The following INPP5E variants were observed in gnomAD, a reference collection of about 807,000 sequenced individuals.
INPP5E encodes phosphatidylinositol polyphosphate 5-phosphatase type IV.
INPP5E carries 34 observed loss-of-function variants against 50.5 expected under a neutral mutation model. The observed-to-expected ratio is 0.67, with a 90% confidence interval of 0.51 to 0.90. INPP5E has a LOEUF of 0.90. Among genes scored for constraint, INPP5E ranks in the 40% least tolerant of loss-of-function variants. INPP5E has a pLI of 0.00. For synonymous variants in INPP5E, 447 were observed against 406.0 expected (o/e 1.10, Z -1.21); for missense variants, 942 against 905.5 (o/e 1.04, Z -0.52).
chr9:136,438,746 G>C lies in INPP5E; in HGVS notation c.674C>G (p.Pro225Arg), dbSNP rs991472201. 1.2e-6 allele frequency: 2 copies of C among 1,611,210 alleles called. No homozygotes were observed. Among genetic ancestry groups the C allele is most frequent in the African/African-American group, 1.3e-5 (1 of 74,910 alleles). ...GCTGCTGTGGGCCCGCACCAGGAGC[G>C]GCTGCGCGCGGAGCTTGTAGTCTGC... is the stretch of plus-strand genomic sequence containing the variant. ...DLADYKLRAQ[P>R]LLVRAHSSLG... Residue 225 changes from proline to arginine, a missense_variant, in exon 1 of 10, where the codon CCG (proline) becomes CGG (arginine). By Grantham distance (103) the Pro-to-Arg change is moderately radical. Coordinates refer to ENST00000371712, the MANE Select transcript of INPP5E (RefSeq NM_019892.6).
rs1363811666 is a variant in INPP5E, at chr9:136,433,280, C to T, written c.1035-1G>A. 6.3e-7 allele frequency: 1 copy of T among 1,582,160 alleles called. No homozygotes were observed. Among genetic ancestry groups the T allele is most frequent in the South Asian group, 1.1e-5 (1 of 89,168 alleles). ...CTGCAGACGAGTCTCCCACTCCCGC[C>T]TGCAGAGGAGGAAGCACGGCCGGCT... On this transcript the variant is annotated splice_acceptor_variant, in intron 3 of 9. Transcript: ENST00000371712. LOFTEE classifies it high-confidence loss of function.
In INPP5E at chr9:136,429,567, C is replaced by T; in HGVS notation, c.*108G>A. The T allele has an allele frequency of 1.4e-6, 2 of 1,456,500 alleles. No individual in the cohort carries two copies. Among genetic ancestry groups the T allele is most frequent in the Middle Eastern group, 2.4e-4 (1 of 4,240 alleles). The allele number at this position is 1,456,500 out of a possible 1,614,324, so 90.2% of individuals were successfully genotyped here. On this transcript the variant is annotated 3_prime_UTR_variant, in exon 10 of 10. Transcript: ENST00000371712. ...GACGCTGGCACAGAGGCACGGTCGC[C>T]ACAGTCCCTCGGATCCCCGAAAGGC...
At chr9:136,433,994 G>A (rs1286139137) in intron 3 of INPP5E, 43 bp downstream of exon 3, 11 of 1,460,572 alleles carry the variant, frequency 7.5e-6, no homozygotes, top group South Asian at 2.4e-5. Context: ...CTTCAGAGAC[G>A]GCAGCCCCTG....
At chr9:136,434,709 T>TACCCC in intron 2 of INPP5E, 31 bp downstream of exon 2, 5 of 1,576,270 alleles carry the variant, frequency 3.2e-6, no homozygotes, top group Non-Finnish European at 4.3e-6. Context: ...ACCCCACCCT[T>TACCCC]CCCCGCCCAG....
rs771055995 is a variant in INPP5E, at chr9:136,434,872, G to T, written c.813-9C>A. The T allele has an allele frequency of 3.6e-5, 57 of 1,602,948 alleles. No individual in the cohort carries two copies. The highest frequency in any genetic ancestry group is 7.7e-6 in the Non-Finnish European group (9 of 1,175,614). ...TGCCCTCCAGGTAACTCCTGTGACG[G>T]GAGGACCCCAAGCTCAGGGCCAGGC... On this transcript the variant is annotated splice_polypyrimidine_tract_variant and intron_variant, in intron 1 of 9. Transcript: ENST00000371712.
rs770566636 is a variant in INPP5E, at chr9:136,429,169, G to GC, written c.*505dup. On this transcript the variant is annotated 3_prime_UTR_variant, in exon 10 of 10. Transcript: ENST00000371712. ...TCTGGGGCCCACTCAGAGGTCTGAGGCCCCAGGGGTCACCTAGCCCAGATC... is the reference window on the plus strand; with the variant it reads ...TCTGGGGCCCACTCAGAGGTCTGAGGCCCCCAGGGGTCACCTAGCCCAGATC... 1.4e-5 allele frequency: 3 copies of GC among 212,080 alleles called. No individual in the cohort carries two copies. Among genetic ancestry groups the GC allele is most frequent in the Admixed American group, 5.2e-5 (1 of 19,322 alleles). 13.1% of individuals were successfully genotyped at this position (212,080 alleles called of 1,614,324 possible).
Position 136,439,283 on chromosome 9 carries a change from T to C in INPP5E, c.137A>G (p.Glu46Gly). Residue 46 changes from glutamate (E) to glycine (G), a missense_variant, in exon 1 of 10, where the codon GAG becomes GGG. Glu to Gly is a moderately conservative substitution (Grantham distance 98). Transcript: ENST00000371712. ...AGTGCTGCAGGCAAGCGCGGGGCTC[T>C]CGGAGCCCGGAGCATCGGGTGGGGA... ...AGSPPDAPGS[E>G]SPALACSTPA... 1 of 1,451,234 alleles carries C rather than the reference T, an allele frequency of 6.9e-7. No homozygotes were observed. Among genetic ancestry groups the C allele is most frequent in the Non-Finnish European group, 9.0e-7 (1 of 1,111,150 alleles). The allele number at this position is 1,451,234 out of a possible 1,614,324, so 89.9% of individuals were successfully genotyped here. A position where few individuals can be genotyped will look rare whatever the true frequency, so the allele number is the denominator to read the frequency against.
intron 8 of INPP5E, 146 bp from the exon 9 acceptor site, chr9:136,430,559 C>T (rs1272622321): frequency 6.9e-6 from 7 of 1,009,800 alleles, no homozygotes; most frequent in East Asian, 2.6e-5. Flanking sequence ...TGTTGCCTGG[C>T]GTCTGTGGCC....
intron 9 of INPP5E, among the ~76,000 whole-genome samples, 158 bp from the exon 10 acceptor site, chr9:136,429,965 A>G (rs895660048): frequency 6.6e-6 from 1 of 152,212 alleles, no homozygotes; most frequent in African/African-American, 2.4e-5. Context: ...CCTGCCTCTA[A>G]GCACACGGAG....
rs370876407 is a variant in INPP5E, at chr9:136,431,872, C to T, written c.1501G>A (p.Val501Met). ...ALLCQGLVVD[V>M]PALLQHDQLI... ...TGGTCGTGCTGCAGCAGCGCCGGCA[C>T]GTCCACCACCAGGCCCTGGCACAGG... The change falls in exon 7 of 10, where the codon GTG (valine) becomes ATG (methionine). Residue 501 changes from valine to methionine, a missense_variant. Transcript: ENST00000371712. The T allele has an allele frequency of 5.6e-6, 9 of 1,610,244 alleles. No individual in the cohort carries two copies. Among genetic ancestry groups the T allele is most frequent in the South Asian group, 3.3e-5 (3 of 90,870 alleles).
chr9:136,434,838 C>A lies in INPP5E; in HGVS notation c.838G>T (p.Ala280Ser). 1 of 1,610,500 alleles carries A rather than the reference C, an allele frequency of 6.2e-7. No homozygotes were observed. Among genetic ancestry groups the A allele is most frequent in the Non-Finnish European group, 8.5e-7 (1 of 1,179,130 alleles). The change falls in exon 2 of 10, where the codon GCC (alanine) becomes TCC (serine). Residue 280 changes from alanine (A) to serine (S), a missense_variant. By Grantham distance (99) the Ala-to-Ser change is moderately conservative (BLOSUM62 1). Coordinates refer to ENST00000371712, the MANE Select transcript of INPP5E (RefSeq NM_019892.6). ...SRSYLEGSLL[A>S]SGALLGADEL... ...TCCGCCCCCAACAGGGCCCCGCTGG[C>A]CAGGAGGCTGCCCTCCAGGTAACTC...
In INPP5E at chr9:136,439,425, G is replaced by T; in HGVS notation, c.-6C>A. ...TTCTCCGCCTTGGACGGCATGGACG[G>T]TCTCTCCCGGGGCAGGCCTCGGCGC... On this transcript the variant is annotated 5_prime_UTR_variant, in exon 1 of 10. Coordinates refer to ENST00000371712, the MANE Select transcript of INPP5E (RefSeq NM_019892.6). 1 of 1,463,886 alleles carries T rather than the reference G, an allele frequency of 6.8e-7. No individual in the cohort carries two copies. The highest frequency in any genetic ancestry group is 9.0e-7 in the Non-Finnish European group (1 of 1,113,426). 90.7% of individuals were successfully genotyped at this position (1,463,886 alleles called of 1,614,324 possible). A position where few individuals can be genotyped will look rare whatever the true frequency, so the allele number is the denominator to read the frequency against.
chr9:136,431,211 A>ACCCC, intron 7 of INPP5E, 94 bp from the exon 8 acceptor site: 2 of 351,948 alleles, frequency 5.7e-6, no homozygotes, highest in Non-Finnish European at 9.1e-6. Context: ...CACCACGCCC[A>ACCCC]CCCTCCCCCC....
At chr9:136,432,141 G>T (rs569613862) in intron 6 of INPP5E, among the ~76,000 whole-genome samples, 156 bp from the exon 7 acceptor site, 22 of 152,298 alleles carry the variant, frequency 1.4e-4, no homozygotes, top group Admixed American at 1.1e-3. Context: ...CACTGGGACA[G>T]TTCCAGAAGG....
In INPP5E at chr9:136,429,684, G is replaced by A. The variant is rs201735585; in HGVS notation, c.1926C>T (p.Ser642=). 41 of 1,613,942 alleles carry A rather than the reference G, an allele frequency of 2.5e-5. No individual in the cohort carries two copies. In the South Asian group the frequency reaches 3.1e-4, roughly 12 times the overall value. ...LQSQNSSTIC[S]VS is the part of the protein sequence containing the mutation. ...CCTCGTTCAGCAAACTTCAAGAAAC[G>A]GAGCAGATGGTGCTGGAGTTCTGAC... Residue 642 remains serine (S), a synonymous_variant, in exon 10 of 10, where the codon TCC becomes TCT. Transcript: ENST00000371712.
rs1588831997 is a variant in INPP5E, at chr9:136,431,170, G to A, written c.1550-53C>T. ...CTCAGACCAGCTTGTGCCAGCCGCC[G>A]CACCCCAGGCCCTCACCTCTCCTCA... is the stretch of plus-strand genomic sequence containing the variant. On this transcript the variant is annotated intron_variant, in intron 7 of 9. Transcript: ENST00000371712. 35 of 1,179,992 alleles carry A rather than the reference G, an allele frequency of 3.0e-5. No homozygotes were observed. The East Asian group carries it at 5.1e-4, about 17-fold the overall frequency. The allele number at this position is 1,179,992 out of a possible 1,614,324, so 73.1% of individuals were successfully genotyped here. A position where few individuals can be genotyped will look rare whatever the true frequency, so the allele number is the denominator to read the frequency against.
In INPP5E at chr9:136,431,723, G is replaced by A. The variant is rs1367884049; in HGVS notation, c.1549+101C>T. On this transcript the variant is annotated intron_variant, in intron 7 of 9. Transcript: ENST00000371712. ...CCTTTCCTCATCTCCCTCCACGCCC[G>A]CCCCCCAGGCCCTCACCTCTCCTCA... is the stretch of plus-strand genomic sequence containing the variant. The A allele has an allele frequency of 1.7e-4, 7 of 40,490 alleles. 1 individual carries two copies. The highest frequency in any genetic ancestry group is 3.6e-4 in the East Asian group (1 of 2,744). 2.5% of individuals were successfully genotyped at this position (40,490 alleles called of 1,614,324 possible). A position where few individuals can be genotyped will look rare whatever the true frequency, so the allele number is the denominator to read the frequency against.
chr9:136,437,948 G>C (rs1835864042), intron 1 of INPP5E: 1 of 154,590 alleles, frequency 6.5e-6, no homozygotes, highest in African/African-American at 2.4e-5. Context: ...TGAGCAAGTG[G>C]CTAAACGAAA....
At position 136,431,109 on chromosome 9, in the gene INPP5E, A is replaced by G; in HGVS notation, c.1558T>C (p.Phe520Leu). 1 of 1,611,162 alleles carries G rather than the reference A, an allele frequency of 6.2e-7. No homozygotes were observed. Among genetic ancestry groups the G allele is most frequent in the South Asian group, 1.1e-5 (1 of 91,052 alleles). ...ATGTCCGGCTCCTGGAAGCCCTTGA[A>G]GATGGACCCTGCCACAGGATGGGCA... ...LIREMRKGSI[F>L]KGFQEPDIHF... The change falls in exon 8 of 10, where the codon TTC becomes CTC. Residue 520 changes from phenylalanine (F) to leucine (L), a missense_variant. Transcript: ENST00000371712.
Sources: gnomAD v4.1 joint callset for allele counts (sites outside exome capture counted in the v4.1 genomes callset) on GRCh38, gnomAD v4.1.1 for gene constraint, MANE v1.5 for transcripts, NCBI Gene and HGNC (gene_info 2026-07-23, HGNC 2026-07-21) for gene names.